GPD2: variants seen among roughly 807,000 people sequenced by gnomAD.
The protein encoded by GPD2 is glycerol-3-phosphate dehydrogenase, mitochondrial.
A neutral mutation model predicts 82.4 loss-of-function variants in GPD2; 54 were observed. The observed-to-expected ratio is 0.66, with a 90% CI of 0.53 to 0.82. The LOEUF is 0.82. Among genes scored for constraint, GPD2 ranks in the 40% least tolerant of loss-of-function variants. The probability of loss-of-function intolerance (pLI) is 0.00; values close to 1 mark genes in which losing one functional copy is unlikely to be tolerated. For missense variants in GPD2, 748 were observed against 896.2 expected (o/e 0.83, Z 2.11); for synonymous variants, 288 against 306.1 (o/e 0.94, Z 0.62).
chr2:156,550,874 A>G (rs1328767938), intron 8 of GPD2, 128 bp downstream of exon 8: 2 of 826,986 alleles, frequency 2.4e-6, no homozygotes, highest in Non-Finnish European at 4.0e-6. Context: ...AGAAATAAGT[A>G]AAGGAACTCT....
chr2:156,418,210 G>A, the GPD2 span, among the ~76,000 whole-genome samples: 41 of 145,002 alleles, frequency 2.8e-4, no homozygotes, highest in African/African-American at 6.1e-4. Flanking sequence ...GCAAGACTCC[G>A]TCTCAAAAGG....
chr2:156,523,144 A>T (rs1685474709), intron 6 of GPD2, among the ~76,000 whole-genome samples: 1 of 152,178 alleles, frequency 6.6e-6, no homozygotes, highest in Non-Finnish European at 1.5e-5. Flanking sequence ...CTTGGTGTAC[A>T]TTCTGTCGGC....
chr2:156,439,866 A>AAAT (rs901019263), intron 1 of GPD2, among the ~76,000 whole-genome samples: 1 of 151,586 alleles, frequency 6.6e-6, no homozygotes, highest in Admixed American at 6.6e-5. Flanking sequence ...ATAAATAAAT[A>AAAT]AATAAATAAA....
At chr2:156,455,841 G>A (rs1299499274) in intron 1 of GPD2, among the ~76,000 whole-genome samples, 1 of 152,140 alleles carries the variant, frequency 6.6e-6, no homozygotes, top group African/African-American at 2.4e-5. Context: ...TTTACCCATG[G>A]TCTAATACAG....
At chr2:156,577,119 C>T (rs144382630) in intron 13 of GPD2, among the ~76,000 whole-genome samples, 3 of 152,180 alleles carry the variant, frequency 2.0e-5, no homozygotes, top group Non-Finnish European at 4.4e-5. Flanking sequence ...TATTTAAGAA[C>T]ATGAAGGAAG....
intron 6 of GPD2, among the ~76,000 whole-genome samples, chr2:156,518,995 G>A (rs1006451392): frequency 6.6e-5 from 10 of 152,118 alleles, no homozygotes; most frequent in Non-Finnish European, 1.5e-4. Flanking sequence ...AGCCTCATGA[G>A]GTGCACACAC....
At chr2:156,472,071 A>C (rs1683349664) in intron 1 of GPD2, among the ~76,000 whole-genome samples, 1 of 152,186 alleles carries the variant, frequency 6.6e-6, no homozygotes, top group Non-Finnish European at 1.5e-5. Context: ...TATTTTTTAA[A>C]ATTTTTTCAC....
chr2:156,478,631 A>T (rs1248011367), intron 2 of GPD2, among the ~76,000 whole-genome samples: 1 of 152,174 alleles, frequency 6.6e-6, no homozygotes, highest in Non-Finnish European at 1.5e-5. Context: ...ATCTGCCAAT[A>T]AGAGCCATTC....
the GPD2 span, among the ~76,000 whole-genome samples, chr2:156,406,189 T>G: frequency 2.0e-5 from 3 of 152,160 alleles, no homozygotes; most frequent in African/African-American, 7.2e-5. Flanking sequence ...AATCATTACT[T>G]ATTCCATTTT....
intron 8 of GPD2, among the ~76,000 whole-genome samples, chr2:156,552,553 C>T (rs1686798224): frequency 6.6e-6 from 1 of 152,058 alleles, no homozygotes; most frequent in South Asian, 2.1e-4. Context: ...ATTTGTTTAG[C>T]TTTTACTAGA....
At chr2:156,464,546 C>T (rs1307495272) in intron 1 of GPD2, among the ~76,000 whole-genome samples, 2 of 152,170 alleles carry the variant, frequency 1.3e-5, no homozygotes, top group African/African-American at 2.4e-5. Flanking sequence ...AACAGAGTGA[C>T]TGGTCTTCCC....
intron 2 of GPD2, among the ~76,000 whole-genome samples, chr2:156,493,730 A>G (rs1684264723): frequency 1.3e-5 from 2 of 152,112 alleles, no homozygotes; most frequent in African/African-American, 4.8e-5. Context: ...AATGTCAGCA[A>G]TCTTTCTGAT....
At chr2:156,528,057 T>G (rs1376005367) in intron 6 of GPD2, among the ~76,000 whole-genome samples, 2 of 152,186 alleles carry the variant, frequency 1.3e-5, no homozygotes, top group African/African-American at 4.8e-5. Flanking sequence ...AAAACTAATC[T>G]GAATATAGTC....
chr2:156,513,627 A>T, intron 6 of GPD2, 131 bp downstream of exon 6: 1 of 731,826 alleles, frequency 1.4e-6, no homozygotes, highest in Non-Finnish European at 2.4e-6. Context: ...ACACACGTGC[A>T]CGCACATATT....
At chr2:156,464,107 G>A (rs982122741) in intron 1 of GPD2, among the ~76,000 whole-genome samples, 1 of 152,136 alleles carries the variant, frequency 6.6e-6, no homozygotes, top group African/African-American at 2.4e-5. Context: ...CATTATTTTT[G>A]CATAGGTGAA....
intron 9 of GPD2, among the ~76,000 whole-genome samples, chr2:156,562,923 A>G (rs1687228850): frequency 6.6e-6 from 1 of 152,204 alleles, no homozygotes; most frequent in Admixed American, 6.5e-5. Flanking sequence ...AAGTACTTTT[A>G]TAGTTGTCAC....
chr2:156,548,293 T>C (rs1418841799), intron 6 of GPD2, among the ~76,000 whole-genome samples: 1 of 152,236 alleles, frequency 6.6e-6, no homozygotes, highest in Non-Finnish European at 1.5e-5. Context: ...GTTGAAACTA[T>C]GGAACCGCTA....
intron 6 of GPD2, among the ~76,000 whole-genome samples, chr2:156,529,481 G>A (rs372832157): frequency 6.1e-5 from 9 of 148,558 alleles, no homozygotes; most frequent in African/African-American, 2.2e-4. Context: ...TGTTGCCATT[G>A]CTTTTGGTGT....
chr2:156,511,286 C>T (rs1412953253), intron 4 of GPD2, among the ~76,000 whole-genome samples: 2 of 152,140 alleles, frequency 1.3e-5, no homozygotes, highest in South Asian at 2.1e-4. Context: ...CGAAATTGAT[C>T]CTCTTAACTA....
Sources: allele counts gnomAD v4.1 joint callset (sites outside exome capture counted in the v4.1 genomes callset), GRCh38; gene constraint gnomAD v4.1.1; transcripts MANE v1.5; gene names NCBI Gene and HGNC (gene_info 2026-07-23, HGNC 2026-07-21).